CD300LB: variants seen among roughly 807,000 people sequenced by gnomAD.
CD300LB encodes the protein CMRF35-like molecule 7.
In CD300LB, 18 loss-of-function variants were observed where a neutral mutation model predicts 20.8. The ratio of observed to expected loss-of-function variants is 0.87; its 90% CI spans 0.60 to 1.28. The LOEUF (loss-of-function observed/expected upper bound fraction) is 1.28, where lower values mean the gene tolerates loss of function less well. Among genes scored for constraint, CD300LB ranks in the 50% most tolerant of loss-of-function variants. The pLI is 0.00. For synonymous variants in CD300LB, 91 were observed against 91.3 expected (o/e 1.00, Z 0.02); for missense variants, 222 against 251.8 (o/e 0.88, Z 0.80).
intron 1 of CD300LB, 68 bp from the exon 2 acceptor site, chr17:74,526,145 G>A: frequency 6.4e-7 from 1 of 1,551,290 alleles, no homozygotes; most frequent in Non-Finnish European, 8.7e-7. Flanking sequence ...GGCTCTCACG[G>A]ACTCTGGGCC....
At position 74,525,982 on chromosome 17, in the gene CD300LB, T is replaced by C. The variant is rs528149782; in HGVS notation, c.136A>G (p.Ile46Val). 5 of 1,614,024 alleles carry C rather than the reference T, an allele frequency of 3.1e-6. No homozygotes were observed. The highest frequency in any genetic ancestry group is 4.2e-6 in the Non-Finnish European group (5 of 1,180,032). The change falls in exon 2 of 4, where the codon ATT (isoleucine) becomes GTT (valine). Residue 46 changes from isoleucine to valine, a missense_variant. Physicochemically the swap from Ile to Val is conservative, Grantham distance 29. Transcript: ENST00000392621. ...CHYKQGWETY[I>V]KWWCRGVRWD... is the part of the protein sequence containing the mutation. ...CGCACCCCTCGGCACCACCACTTAA[T>C]GTAGGTCTCCCATCCTTGCTTATAG...
chr17:74,527,856 T>C (rs564737844), intron 1 of CD300LB, among the ~76,000 whole-genome samples: 14 of 152,300 alleles, frequency 9.2e-5, no homozygotes, highest in Non-Finnish European at 1.8e-4. Flanking sequence ...GAACCGGACC[T>C]TACAGCAGGA....
At chr17:74,530,915 A>G (rs1276705987) in intron 1 of CD300LB, among the ~76,000 whole-genome samples, 6 of 152,096 alleles carry the variant, frequency 3.9e-5, no homozygotes, top group African/African-American at 1.4e-4. Flanking sequence ...AGGATCCTCC[A>G]GCTTCAGCCT....
At chr17:74,523,093 C>T (rs371637426) in intron 3 of CD300LB, 193 bp from the exon 4 acceptor site, 66 of 584,762 alleles carry the variant, frequency 1.1e-4, no homozygotes, top group African/African-American at 1.1e-3. Flanking sequence ...TGGTTTTGCA[C>T]GGGGCCCATC....
intron 1 of CD300LB, 78 bp downstream of exon 1, chr17:74,531,233 G>T (rs1179832553): frequency 1.4e-6 from 2 of 1,430,038 alleles, no homozygotes; most frequent in Non-Finnish European, 1.8e-6. Context: ...CATTTCCCTG[G>T]ATGTGGAAGG....
rs761782261 is a variant in CD300LB at position 74,524,721 on chromosome 17, C to T, written c.370+1027G>A. On this transcript the variant is annotated intron_variant, in intron 2 of 3. Transcript: ENST00000392621. ...TCCTATGGAGCCCCTGATCGTTTTA[C>T]AGGCTGGTACCCCTGTAGATCCCCC... Among the ~76,000 whole-genome samples the T allele has an allele frequency of 3.9e-5, 6 of 152,192 alleles. No individual in the cohort carries two copies. The South Asian group carries it at 6.2e-4, about 16-fold the overall frequency.
At chr17:74,528,840 G>A (rs1908112751) in intron 1 of CD300LB, among the ~76,000 whole-genome samples, 1 of 152,306 alleles carries the variant, frequency 6.6e-6, no homozygotes, top group South Asian at 2.1e-4. Context: ...ATAGGACTTG[G>A]ATGTGTGTAG....
intron 1 of CD300LB, among the ~76,000 whole-genome samples, chr17:74,529,615 A>G (rs1045988425): frequency 2.8e-4 from 42 of 152,200 alleles, no homozygotes; most frequent in African/African-American, 9.9e-4. Context: ...ACATGGTGAA[A>G]TCCTGTCTCT....
rs1056534730 is a variant in CD300LB, at chr17:74,521,783, A to C, written c.*955T>G. ...GGTCCCTTTGGTGTGAGGGTCCCTC[A>C]ACCATACAGCACAAAGTGACCACAT... On this transcript the variant is annotated 3_prime_UTR_variant, in exon 4 of 4. Transcript: ENST00000392621. 5.1e-6 allele frequency: 5 copies of C among 985,452 alleles called. No individual in the cohort carries two copies. Among genetic ancestry groups the C allele is most frequent in the South Asian group, 9.4e-5 (2 of 21,298 alleles). The allele number at this position is 985,452 out of a possible 1,614,324, so 61.0% of individuals were successfully genotyped here. A position where few individuals can be genotyped will look rare whatever the true frequency, so the allele number is the denominator to read the frequency against.
chr17:74,529,936 C>T (rs1908151749), intron 1 of CD300LB, among the ~76,000 whole-genome samples: 2 of 152,250 alleles, frequency 1.3e-5, no homozygotes, highest in African/African-American at 4.8e-5. Flanking sequence ...AAATGGCTCA[C>T]GATGTAATTA....
chr17:74,530,591 ACC>A (rs1555644199), intron 1 of CD300LB, among the ~76,000 whole-genome samples: 1 of 146,760 alleles, frequency 6.8e-6, no homozygotes, highest in African/African-American at 2.6e-5. Flanking sequence ...ACACACACAC[ACC>A]CAACTCTCTA....
chr17:74,531,280 A>AGGGG, intron 1 of CD300LB, 31 bp downstream of exon 1: 1 of 1,520,592 alleles, frequency 6.6e-7, no homozygotes. Flanking sequence ...CCCCTGTCAT[A>AGGGG]CCAAGCGCCC....
In CD300LB at chr17:74,531,394, T is replaced by C. The variant is rs1908211820; in HGVS notation, c.-44A>G. 2 of 1,612,882 alleles carry C rather than the reference T, an allele frequency of 1.2e-6. No homozygotes were observed. The highest frequency in any genetic ancestry group is 3.3e-5 in the Admixed American group (2 of 59,882). ...CCTCGTCCGCCTGATCTGCAACCAG[T>C]GGCAAATGCAGATCCCAGATGCACT... On this transcript the variant is annotated 5_prime_UTR_variant, in exon 1 of 4. Coordinates refer to ENST00000392621, the MANE Select transcript of CD300LB (RefSeq NM_174892.4).
At chr17:74,524,123 T>A (rs796069681) in intron 2 of CD300LB, among the ~76,000 whole-genome samples, 6 of 152,220 alleles carry the variant, frequency 3.9e-5, no homozygotes, top group African/African-American at 1.4e-4. Flanking sequence ...CACACTCCAG[T>A]TAACTAGAGA....
chr17:74,530,550 AACACACACACACACACAC>A (rs67278106), intron 1 of CD300LB, among the ~76,000 whole-genome samples: 16 of 143,138 alleles, frequency 1.1e-4, no homozygotes, highest in African/African-American at 3.1e-4. Flanking sequence ...CAGGTCCCCC[AACACACACACACACACAC>A]ACACACACAC....
At chr17:74,530,525 C>G (rs1908171000) in intron 1 of CD300LB, among the ~76,000 whole-genome samples, 1 of 151,318 alleles carries the variant, frequency 6.6e-6, no homozygotes, top group Admixed American at 6.6e-5. Context: ...CTTTCTAAGC[C>G]TCCATCTCTC....
chr17:74,529,511 G>A (rs1908135844), intron 1 of CD300LB, among the ~76,000 whole-genome samples: 1 of 152,140 alleles, frequency 6.6e-6, no homozygotes, highest in South Asian at 2.1e-4. Flanking sequence ...TCTTTTCGGG[G>A]CCGGGCACGG....
chr17:74,524,293 A>G (rs1344268213), intron 2 of CD300LB, among the ~76,000 whole-genome samples: 3 of 152,186 alleles, frequency 2.0e-5, no homozygotes, highest in Non-Finnish European at 4.4e-5. Context: ...AATTTTTCTC[A>G]AAGGTCCCAG....
intron 1 of CD300LB, among the ~76,000 whole-genome samples, chr17:74,528,368 C>T (rs1383764459): frequency 2.6e-5 from 4 of 152,088 alleles, no homozygotes; most frequent in East Asian, 1.9e-4. Context: ...AGTAAGACCA[C>T]GCCAGGCTCT....
Sources: allele counts gnomAD v4.1 joint callset (sites outside exome capture counted in the v4.1 genomes callset), GRCh38; gene constraint gnomAD v4.1.1; transcripts MANE v1.5; gene names NCBI Gene and HGNC (gene_info 2026-07-23, HGNC 2026-07-21).